The following SLC14A1 variants were observed in gnomAD, a reference collection of about 807,000 sequenced individuals.
The protein encoded by SLC14A1 is urea transporter 1.
Under a neutral mutation model 39.6 loss-of-function variants are expected in SLC14A1, and 36 were observed. That is an observed-to-expected ratio of 0.91 (90% confidence interval 0.70 to 1.20). The LOEUF (loss-of-function observed/expected upper bound fraction) is 1.20, where lower values mean the gene tolerates loss of function less well. Among genes scored for constraint, SLC14A1 ranks in the 50% most tolerant of loss-of-function variants. The pLI, the probability that SLC14A1 is intolerant of heterozygous loss-of-function variation, is 0.00. For missense variants in SLC14A1, 469 were observed against 478.7 expected (o/e 0.98, Z 0.19); for synonymous variants, 164 against 173.6 (o/e 0.94, Z 0.43).
At chr18:45,746,062 C>A (rs2047535389) in intron 8 of SLC14A1, among the ~76,000 whole-genome samples, 1 of 152,216 alleles carries the variant, frequency 6.6e-6, no homozygotes, top group Admixed American at 6.5e-5. Context: ...GTCTTTCTGG[C>A]CTCTAAGCCA....
chr18:45,737,215 G>T (rs1280935880), intron 6 of SLC14A1, among the ~76,000 whole-genome samples: 2 of 152,192 alleles, frequency 1.3e-5, no homozygotes, highest in African/African-American at 4.8e-5. Context: ...TAAGGGTGGG[G>T]CCTGGAACCT....
intron 8 of SLC14A1, among the ~76,000 whole-genome samples, chr18:45,748,051 T>C (rs1182261467): frequency 2.0e-5 from 3 of 152,204 alleles, no homozygotes; most frequent in Non-Finnish European, 4.4e-5. Context: ...AACAACAAAA[T>C]AGTAACCATA....
intron 5 of SLC14A1, among the ~76,000 whole-genome samples, chr18:45,735,594 A>C (rs2047170373): frequency 6.6e-6 from 1 of 152,234 alleles, no homozygotes; most frequent in Non-Finnish European, 1.5e-5. Flanking sequence ...ATAAATAAGC[A>C]CAGCCTGCTG....
chr18:45,750,314 T>TA lies in SLC14A1; in HGVS notation c.*368dup. ...GCTGGCTCGATGATGTTAACAGTAT[T>TA]AAAAATTAAACCCCATAAACCAACT... On this transcript the variant is annotated 3_prime_UTR_variant, in exon 10 of 10. Coordinates refer to ENST00000321925, the MANE Select transcript of SLC14A1 (RefSeq NM_015865.7). The TA allele has an allele frequency of 8.6e-7, 1 of 1,161,070 alleles. No homozygotes were observed. Among genetic ancestry groups the TA allele is most frequent in the Non-Finnish European group, 1.1e-6 (1 of 935,404 alleles). 71.9% of individuals were successfully genotyped at this position (1,161,070 alleles called of 1,614,324 possible).
In SLC14A1 at chr18:45,750,508, C is replaced by A; in HGVS notation, c.*557C>A. On this transcript the variant is annotated 3_prime_UTR_variant, in exon 10 of 10. Coordinates refer to ENST00000321925, the MANE Select transcript of SLC14A1 (RefSeq NM_015865.7). ...AGTCCCCACTTCCTGCAAACAATGG[C>A]CTGCACCCTATCCCTTGTGTGTGTG... 9.9e-7 allele frequency: 1 copy of A among 1,015,008 alleles called. No individual in the cohort carries two copies. Among genetic ancestry groups the A allele is most frequent in the Non-Finnish European group, 1.2e-6 (1 of 847,698 alleles). The allele number at this position is 1,015,008 out of a possible 1,614,324, so 62.9% of individuals were successfully genotyped here.
rs2047678275 is a variant in SLC14A1, at chr18:45,750,596, G to T, written c.*645G>T. The T allele has an allele frequency of 3.4e-5, 34 of 986,120 alleles. No individual in the cohort carries two copies. The highest frequency in any genetic ancestry group is 4.1e-5 in the Non-Finnish European group (34 of 830,472). 61.1% of individuals were successfully genotyped at this position (986,120 alleles called of 1,614,324 possible). A position where few individuals can be genotyped will look rare whatever the true frequency, so the allele number is the denominator to read the frequency against. On this transcript the variant is annotated 3_prime_UTR_variant, in exon 10 of 10. Transcript: ENST00000321925. The stretch of plus-strand genomic sequence containing the variant: ...TGACAGGACTGCAAGAGGGAGAAAG[G>T]AATTTTGTCAATCAAAATTATTCTG...
rs529198948 is a variant in SLC14A1, at chr18:45,730,709, TACTTAAA to T, written c.151+246_151+252del. 6.4e-4 allele frequency among the ~76,000 whole-genome samples: 97 copies of T among 152,276 alleles called. No homozygotes were observed. The East Asian group carries it at 0.011, about 18-fold the overall frequency. Reference sequence around the variant, plus strand: ...ACCTGGCTTCATCCTGTAGTTTCAGTACTTAAAACTTAAATTTATTCCTTTGGCTTCA... The same window carrying T: ...ACCTGGCTTCATCCTGTAGTTTCAGTACTTAAATTTATTCCTTTGGCTTCA... On this transcript the variant is annotated intron_variant, in intron 3 of 9. Transcript: ENST00000321925.
At chr18:45,744,770 T>C (rs1288439933) in intron 8 of SLC14A1, among the ~76,000 whole-genome samples, 1 of 152,208 alleles carries the variant, frequency 6.6e-6, no homozygotes, top group African/African-American at 2.4e-5. Flanking sequence ...CTTCTGTGAT[T>C]TCTAGTATTT....
chr18:45,739,862 T>C, intron 8 of SLC14A1, 200 bp downstream of exon 8: 2 of 644,388 alleles, frequency 3.1e-6, no homozygotes, highest in South Asian at 3.6e-5. Flanking sequence ...TCTCTGATGA[T>C]TGTGAAGGCA....
chr18:45,729,262 T>C (rs2144744794), intron 2 of SLC14A1: 1 of 152,368 alleles, frequency 6.6e-6, no homozygotes, highest in East Asian at 1.9e-4. Flanking sequence ...TGCTGTTGGC[T>C]GTTCTTGCAC....
intron 8 of SLC14A1, among the ~76,000 whole-genome samples, chr18:45,741,831 A>C (rs1424471963): frequency 6.6e-6 from 1 of 151,462 alleles, no homozygotes; most frequent in African/African-American, 2.5e-5. Flanking sequence ...GCTGGGTTAG[A>C]ATGTTTATCC....
chr18:45,734,062 T>C, intron 4 of SLC14A1: 1 of 564,880 alleles, frequency 1.8e-6, no homozygotes, highest in East Asian at 3.7e-5. Flanking sequence ...GGACCACTGA[T>C]CTAAATGCAC....
intron 2 of SLC14A1, among the ~76,000 whole-genome samples, chr18:45,726,125 G>T (rs2046856583): frequency 6.6e-6 from 1 of 152,148 alleles, no homozygotes; most frequent in Non-Finnish European, 1.5e-5. Flanking sequence ...AATGCAACAT[G>T]CAGGCACATC....
At chr18:45,749,357 G>C (rs1186222288) in intron 9 of SLC14A1, among the ~76,000 whole-genome samples, 1 of 152,078 alleles carries the variant, frequency 6.6e-6, no homozygotes, top group African/African-American at 2.4e-5. Context: ...AACAAAGCAA[G>C]TCAAGTCTAA....
chr18:45,734,460 G>A, intron 5 of SLC14A1, 58 bp downstream of exon 5: 1 of 1,586,408 alleles, frequency 6.3e-7, no homozygotes, highest in Non-Finnish European at 8.6e-7. Flanking sequence ...GGCAGAAGGA[G>A]GGAATGGGAG....
At chr18:45,730,562 T>C in intron 3 of SLC14A1, 91 bp downstream of exon 3, 1 of 1,375,576 alleles carries the variant, frequency 7.3e-7, no homozygotes, top group East Asian at 2.3e-5. Context: ...TTAGTTATAT[T>C]CTCCAACTTT....
chr18:45,734,072 C>A, intron 4 of SLC14A1: 1 of 620,868 alleles, frequency 1.6e-6, no homozygotes, highest in Non-Finnish European at 2.7e-6. Context: ...TCTAAATGCA[C>A]ATTTATATTT....
At chr18:45,727,453 AC>A in intron 2 of SLC14A1, 1 of 1,523,894 alleles carries the variant, frequency 6.6e-7, no homozygotes, top group Non-Finnish European at 8.9e-7. Context: ...GGCTCGGGGA[AC>A]CTGGGAGCCT....
chr18:45,725,770 C>A (rs1006820973), intron 2 of SLC14A1, among the ~76,000 whole-genome samples: 1 of 152,150 alleles, frequency 6.6e-6, no homozygotes, highest in African/African-American at 2.4e-5. Flanking sequence ...CTGGATGATG[C>A]CCACTCTGAT....
Sources: gnomAD v4.1 joint callset for allele counts (sites outside exome capture counted in the v4.1 genomes callset) on GRCh38, gnomAD v4.1.1 for gene constraint, MANE v1.5 for transcripts, NCBI Gene and HGNC (gene_info 2026-07-23, HGNC 2026-07-21) for gene names.